The following KIF24 variants were observed in gnomAD, a reference collection of about 807,000 sequenced individuals.
KIF24 encodes the protein kinesin family member 24.
KIF24 carries 81 observed loss-of-function variants against 118.9 expected under a neutral mutation model. The ratio of observed to expected loss-of-function variants is 0.68; its 90% confidence interval spans 0.57 to 0.82. KIF24 has a LOEUF of 0.82. KIF24 is among the 40% of genes least tolerant of loss of function. KIF24 has a pLI of 0.00. For missense variants in KIF24, 1,560 were observed against 1,661.6 expected (o/e 0.94, Z 1.06); for synonymous variants, 599 against 610.0 (o/e 0.98, Z 0.27).
In KIF24 at chr9:34,311,245, C is replaced by G. The variant is rs1185574368; in HGVS notation, c.102G>C (p.Lys34Asn). Residue 34 changes from lysine (K) to asparagine (N), a missense_variant, in exon 2 of 13, where the codon AAG becomes AAC. Physicochemically the swap from Lys to Asn is moderately conservative, Grantham distance 94. Coordinates refer to ENST00000402558, the MANE Select transcript of KIF24 (RefSeq NM_194313.4). ...ATTTGGAGTAGTCCTTCATTGTAAT[C>G]TTGGCTAATTCATCTATTTTCTGAA... Reference protein sequence around the residue: ...LGLQKIDELAKITMKDYSKLG... With the variant: ...LGLQKIDELANITMKDYSKLG... The G allele has an allele frequency of 1.9e-6, 3 of 1,611,838 alleles. No individual in the cohort carries two copies. Among genetic ancestry groups the G allele is most frequent in the Non-Finnish European group, 2.5e-6 (3 of 1,178,704 alleles).
chr9:34,275,212 G>A (rs1484326116), intron 6 of KIF24, among the ~76,000 whole-genome samples: 2 of 151,428 alleles, frequency 1.3e-5, no homozygotes, highest in East Asian at 2.0e-4. Flanking sequence ...TGGCCAACAC[G>A]GTGAAACCCC....
intron 8 of KIF24, among the ~76,000 whole-genome samples, chr9:34,268,281 A>T (rs888786428): frequency 6.6e-6 from 1 of 151,876 alleles, no homozygotes; most frequent in Non-Finnish European, 1.5e-5. Context: ...TTCCTGCCAC[A>T]GCCTCCCGAG....
chr9:34,314,126 T>A (rs1837262090), intron 1 of KIF24, among the ~76,000 whole-genome samples: 1 of 151,850 alleles, frequency 6.6e-6, no homozygotes, highest in Admixed American at 6.6e-5. Context: ...GAGATAAACA[T>A]CAGAATCACT....
chr9:34,254,432 T>TA lies in KIF24; in HGVS notation c.4054dup (p.Tyr1352LeufsTer12). On this transcript the variant is annotated frameshift_variant, in exon 13 of 13. Transcript: ENST00000402558. LOFTEE classifies it high-confidence loss of function. ...TGCGGTGGGCCCGTGGCAGGTGAGA[T>TA]AGAGCTGCAGCTGGCTCCTCAGACT... The TA allele has an allele frequency of 6.2e-7, 1 of 1,613,824 alleles. No homozygotes were observed. The highest frequency in any genetic ancestry group is 8.5e-7 in the Non-Finnish European group (1 of 1,179,856).
intron 5 of KIF24, 146 bp from the exon 6 acceptor site, chr9:34,286,850 C>A: frequency 3.2e-6 from 2 of 619,778 alleles, no homozygotes; most frequent in South Asian, 3.8e-5. Flanking sequence ...CCCAACCCCA[C>A]CCTCCTGACC....
intron 4 of KIF24, among the ~76,000 whole-genome samples, chr9:34,291,987 G>A (rs1311021145): frequency 6.6e-6 from 1 of 152,120 alleles, no homozygotes; most frequent in African/African-American, 2.4e-5. Flanking sequence ...TTCCTTGTGG[G>A]CTCATGGTCT....
At chr9:34,265,703 T>C (rs966672051) in intron 8 of KIF24, among the ~76,000 whole-genome samples, 2 of 152,040 alleles carry the variant, frequency 1.3e-5, no homozygotes, top group African/African-American at 4.8e-5. Context: ...TTAATCATAT[T>C]ATAAATAATA....
rs190378471 is a variant in KIF24 at position 34,319,671 on chromosome 9, A to G, written c.-25-8300T>C. ...CGAGTTTTAGGGCCTCAGGGTGCACACAGGATGGCAGGAGGCAGCCAAAGG... is the reference window on the plus strand; with the variant it reads ...CGAGTTTTAGGGCCTCAGGGTGCACGCAGGATGGCAGGAGGCAGCCAAAGG... On this transcript the variant is annotated intron_variant, in intron 1 of 12. Coordinates refer to ENST00000402558, the MANE Select transcript of KIF24 (RefSeq NM_194313.4). 148 of 792,452 alleles carry G rather than the reference A, an allele frequency of 1.9e-4. No homozygotes were observed. The African/African-American group carries it at 2.4e-3, about 13-fold the overall frequency. The allele number at this position is 792,452 out of a possible 1,614,324, so 49.1% of individuals were successfully genotyped here. A position where few individuals can be genotyped will look rare whatever the true frequency, so the allele number is the denominator to read the frequency against.
Position 34,252,712 on chromosome 9 carries a change from TGA to T in KIF24, c.*1666_*1667del, listed in dbSNP as rs1834641844. ...TTGGTTTGCAAAGGCAAGCCTAGACTGAGTCTTTTAAACCTGGCCCAGCTCCG... is the reference window on the plus strand; with the variant it reads ...TTGGTTTGCAAAGGCAAGCCTAGACTGTCTTTTAAACCTGGCCCAGCTCCG... On this transcript the variant is annotated 3_prime_UTR_variant, in exon 13 of 13. Coordinates refer to ENST00000402558, the MANE Select transcript of KIF24 (RefSeq NM_194313.4). 6.6e-6 allele frequency: 1 copy of T among 152,186 alleles called. No homozygotes were observed. The highest frequency in any genetic ancestry group is 3.2e-3 in the Middle Eastern group (1 of 316). The allele number at this position is 152,186 out of a possible 1,614,324, so 9.4% of individuals were successfully genotyped here. A position where few individuals can be genotyped will look rare whatever the true frequency, so the allele number is the denominator to read the frequency against.
At chr9:34,295,552 C>A (rs1033480417) in intron 4 of KIF24, among the ~76,000 whole-genome samples, 3 of 152,128 alleles carry the variant, frequency 2.0e-5, no homozygotes, top group Non-Finnish European at 4.4e-5. Flanking sequence ...GTGGCAGGCA[C>A]CTGCAGTCCC....
At chr9:34,312,454 T>A (rs191443534) in intron 1 of KIF24, among the ~76,000 whole-genome samples, 9 of 152,348 alleles carry the variant, frequency 5.9e-5, no homozygotes, top group African/African-American at 2.2e-4. Flanking sequence ...TTTTCTTTTT[T>A]AAAATGGTTT....
At chr9:34,315,010 G>C (rs1042379845) in intron 1 of KIF24, among the ~76,000 whole-genome samples, 1 of 152,118 alleles carries the variant, frequency 6.6e-6, no homozygotes, top group Non-Finnish European at 1.5e-5. Flanking sequence ...CAATAATAGT[G>C]GTCTTGAGGA....
chr9:34,297,781 T>C (rs1563954195), intron 3 of KIF24, among the ~76,000 whole-genome samples: 1 of 151,866 alleles, frequency 6.6e-6, no homozygotes, highest in Non-Finnish European at 1.5e-5. Context: ...AAAAAGAATT[T>C]TGGAGGAATT....
intron 3 of KIF24, among the ~76,000 whole-genome samples, chr9:34,300,469 A>G (rs1364500687): frequency 1.3e-5 from 2 of 151,868 alleles, no homozygotes; most frequent in Non-Finnish European, 2.9e-5. Context: ...CCCTGCTTCA[A>G]GCGATTCTCC....
chr9:34,293,692 C>T (rs1050141875), intron 4 of KIF24, among the ~76,000 whole-genome samples: 5 of 152,120 alleles, frequency 3.3e-5, no homozygotes, highest in African/African-American at 4.8e-5. Context: ...AGGAGAATGG[C>T]GTGAACCCAG....
chr9:34,330,109 C>T (rs1228240426), upstream of KIF24, among the ~76,000 whole-genome samples: 1 of 152,250 alleles, frequency 6.6e-6, no homozygotes, highest in African/African-American at 2.4e-5. Context: ...AAAGGGACAG[C>T]GTAAACAATG....
chr9:34,263,373 G>A (rs1835166628), intron 8 of KIF24, among the ~76,000 whole-genome samples: 1 of 152,156 alleles, frequency 6.6e-6, no homozygotes, highest in African/African-American at 2.4e-5. Flanking sequence ...GTGCTGCCTA[G>A]CTGAAGGCCT....
Position 34,254,103 on chromosome 9 carries a change from A to G in KIF24, c.*277T>C, listed in dbSNP as rs1834718694. Reference sequence around the variant, plus strand: ...ATTCCCACAGGCAAGGGGTTAGTTAATCATATTCTCTAGGCACAAGGGAAA... The same window carrying G: ...ATTCCCACAGGCAAGGGGTTAGTTAGTCATATTCTCTAGGCACAAGGGAAA... On this transcript the variant is annotated 3_prime_UTR_variant, in exon 13 of 13. Coordinates refer to ENST00000402558, the MANE Select transcript of KIF24 (RefSeq NM_194313.4). The G allele has an allele frequency of 9.1e-6, 3 of 329,258 alleles. No individual in the cohort carries two copies. Among genetic ancestry groups the G allele is most frequent in the Non-Finnish European group, 1.6e-5 (3 of 182,058 alleles). 20.4% of individuals were successfully genotyped at this position (329,258 alleles called of 1,614,324 possible).
chr9:34,318,482 A>G lies in KIF24; in HGVS notation c.-25-7111T>C. 1.2e-6 allele frequency: 1 copy of G among 812,906 alleles called. No homozygotes were observed. Among genetic ancestry groups the G allele is most frequent in the Non-Finnish European group, 2.1e-6 (1 of 482,754 alleles). 50.4% of individuals were successfully genotyped at this position (812,906 alleles called of 1,614,324 possible). A position where few individuals can be genotyped will look rare whatever the true frequency, so the allele number is the denominator to read the frequency against. ...GACCGAGGTGAAGAAACCTGCAGCCACAGCAGCTCCTGGCACCGCAGAGAA... is the reference window on the plus strand; with the variant it reads ...GACCGAGGTGAAGAAACCTGCAGCCGCAGCAGCTCCTGGCACCGCAGAGAA... On this transcript the variant is annotated intron_variant, in intron 1 of 12. Coordinates refer to ENST00000402558, the MANE Select transcript of KIF24 (RefSeq NM_194313.4). The surrounding 1 kb of genome is among the most constrained non-coding windows in gnomAD (Gnocchi z 4.9).
Sources: allele counts gnomAD v4.1 joint callset (sites outside exome capture counted in the v4.1 genomes callset), GRCh38; gene constraint gnomAD v4.1.1; non-coding constraint Gnocchi (gnomAD v3.1); transcripts MANE v1.5; gene names NCBI Gene and HGNC (gene_info 2026-07-23, HGNC 2026-07-21).